The following SNRK variants were observed in gnomAD, a reference collection of about 807,000 sequenced individuals.
The protein encoded by SNRK is SNF-related serine/threonine-protein kinase.
A neutral mutation model predicts 48.2 loss-of-function variants in SNRK; 3 were observed. That is an observed-to-expected ratio of 0.06 (90% CI 0.03 to 0.16). The LOEUF is 0.16. Ranked by LOEUF, SNRK falls within the 10% of genes least tolerant of loss-of-function variation. The probability of loss-of-function intolerance (pLI) is 1.00; values close to 1 mark genes in which losing one functional copy is unlikely to be tolerated. For missense variants in SNRK, 627 were observed against 976.0 expected, an observed-to-expected ratio of 0.64 and a Z score of 4.76; for synonymous variants, 376 against 366.1, an observed-to-expected ratio of 1.03 and a Z score of -0.31.
intron 1 of SNRK, among the ~76,000 whole-genome samples, chr3:43,297,491 A>G (rs1199760993): frequency 6.6e-6 from 1 of 152,178 alleles, no homozygotes; most frequent in Non-Finnish European, 1.5e-5. Context: ...GTGTCTGGCC[A>G]TATATTATGA....
At chr3:43,304,223 TTTA>T (rs2090918217) in intron 3 of SNRK, among the ~76,000 whole-genome samples, 1 of 152,210 alleles carries the variant, frequency 6.6e-6, no homozygotes, top group Non-Finnish European at 1.5e-5. Flanking sequence ...ATTAGAATCA[TTTA>T]TTAACTGTGA....
intron 6 of SNRK, among the ~76,000 whole-genome samples, chr3:43,343,747 C>T (rs960049490): frequency 6.6e-6 from 1 of 152,120 alleles, no homozygotes; most frequent in African/African-American, 2.4e-5. Context: ...GAGAAGCAGC[C>T]TCAAGCCAGA....
chr3:43,341,645 C>T (rs1391873321), intron 5 of SNRK, among the ~76,000 whole-genome samples: 1 of 152,140 alleles, frequency 6.6e-6, no homozygotes, highest in Non-Finnish European at 1.5e-5. Context: ...AGAGAGTATG[C>T]TCTAGGAGGC....
At chr3:43,327,109 C>T (rs902466017) in intron 3 of SNRK, among the ~76,000 whole-genome samples, 1 of 152,154 alleles carries the variant, frequency 6.6e-6, no homozygotes, top group Non-Finnish European at 1.5e-5. Context: ...AACCACTGAT[C>T]TTGTTTTACA....
chr3:43,342,255 G>A lies in SNRK; in HGVS notation c.945-1089G>A, dbSNP rs527909019. ...TTGGTTTCCCGATAGCTGGGTGAGC[G>A]TCTTGCTGTCCTCTCAGCTAGCCTC... On this transcript the variant is annotated intron_variant, in intron 5 of 6. Transcript: ENST00000296088. Among the ~76,000 whole-genome samples the A allele has an allele frequency of 5.6e-4, 85 of 152,248 alleles. No individual in the cohort carries two copies. The Middle Eastern group carries it at 0.014, about 24-fold the overall frequency.
intron 3 of SNRK, among the ~76,000 whole-genome samples, chr3:43,314,009 A>G (rs996610721): frequency 1.3e-5 from 2 of 152,252 alleles, no homozygotes; most frequent in African/African-American, 4.8e-5. Flanking sequence ...TGACAGAAAC[A>G]CAGTATATTT....
intron 3 of SNRK, among the ~76,000 whole-genome samples, chr3:43,307,257 A>G (rs1038256654): frequency 3.9e-5 from 6 of 152,314 alleles, no homozygotes; most frequent in South Asian, 2.1e-4. Context: ...CCTTTTATCA[A>G]TACGAAAGTA....
intron 3 of SNRK, among the ~76,000 whole-genome samples, chr3:43,323,657 A>G (rs2091072245): frequency 6.6e-6 from 1 of 152,212 alleles, no homozygotes; most frequent in Non-Finnish European, 1.5e-5. Context: ...AAAAGCCTGT[A>G]CACACTTTTT....
Position 43,286,916 on chromosome 3 carries a change from G to A in SNRK, c.-169+241G>A, listed in dbSNP as rs866814480. 8.8e-3 allele frequency among the ~76,000 whole-genome samples: 1,285 copies of A among 145,788 alleles called. 13 individuals are homozygous for A. The highest frequency in any genetic ancestry group is 0.013 in the Non-Finnish European group (874 of 65,606). On this transcript the variant is annotated intron_variant, in intron 1 of 6. Coordinates refer to ENST00000296088, the MANE Select transcript of SNRK (RefSeq NM_017719.5). ...CGCGGCCTGGCGGCGGGGCGGCGGC[G>A]GGGCCCGGCGGGAGCCGTCACTGCG...
At chr3:43,330,890 T>A in intron 3 of SNRK, among the ~76,000 whole-genome samples, 1 of 152,238 alleles carries the variant, frequency 6.6e-6, no homozygotes, top group East Asian at 1.9e-4. Context: ...TTCATTAGTT[T>A]CCATCAGAGT....
chr3:43,304,669 A>C (rs1345701228), intron 3 of SNRK, among the ~76,000 whole-genome samples: 5 of 152,156 alleles, frequency 3.3e-5, no homozygotes, highest in Non-Finnish European at 5.9e-5. Context: ...CTTGGAAAAA[A>C]ATACATGCAC....
At chr3:43,339,543 C>T (rs539462710) in intron 4 of SNRK, among the ~76,000 whole-genome samples, 11 of 151,924 alleles carry the variant, frequency 7.2e-5, no homozygotes, top group East Asian at 2.0e-4. Context: ...ATGGGCCGGG[C>T]GCGGTGGCTC....
At chr3:43,321,951 T>C (rs2125632697) in intron 3 of SNRK, among the ~76,000 whole-genome samples, 1 of 152,386 alleles carries the variant, frequency 6.6e-6, no homozygotes, top group Admixed American at 6.5e-5. Flanking sequence ...CCTAGGTCCC[T>C]TCATTGCCAA....
At chr3:43,332,092 T>C (rs1356127724) in intron 3 of SNRK, 77 bp from the exon 4 acceptor site, 1 of 1,143,890 alleles carries the variant, frequency 8.7e-7, no homozygotes, top group Non-Finnish European at 1.2e-6. Context: ...CAAGATAAAA[T>C]AATATTGTTA....
chr3:43,330,013 T>G (rs907149818), intron 3 of SNRK, among the ~76,000 whole-genome samples: 1 of 152,216 alleles, frequency 6.6e-6, no homozygotes, highest in Admixed American at 6.5e-5. Flanking sequence ...ACAGTTATAG[T>G]ATGAGATAGT....
chr3:43,336,097 T>C (rs1475558691), intron 4 of SNRK, among the ~76,000 whole-genome samples: 2 of 151,982 alleles, frequency 1.3e-5, no homozygotes, highest in African/African-American at 4.8e-5. Context: ...TTTATATGTT[T>C]TATGTTTGTC....
At chr3:43,315,147 A>G (rs2091005295) in intron 3 of SNRK, 1 of 152,148 alleles carries the variant, frequency 6.6e-6, no homozygotes, top group South Asian at 2.1e-4. Flanking sequence ...GAGCTGGCCT[A>G]GTTTGGAAAT....
At position 43,347,314 on chromosome 3, in the gene SNRK, T is replaced by TC. The variant is rs1279157047; in HGVS notation, c.1080-19dup. The TC allele has an allele frequency of 2.0e-6, 3 of 1,524,448 alleles. No homozygotes were observed. The highest frequency in any genetic ancestry group is 2.6e-6 in the Non-Finnish European group (3 of 1,137,674). 94.4% of individuals were successfully genotyped at this position (1,524,448 alleles called of 1,614,324 possible). The stretch of plus-strand genomic sequence containing the variant: ...CTGCATAATGATTATATGGCTTTTT[T>TC]CCCCCCAATCTATCTGTTACATAGG... On this transcript the variant is annotated intron_variant, in intron 6 of 6. Coordinates refer to ENST00000296088, the MANE Select transcript of SNRK (RefSeq NM_017719.5). The surrounding 1 kb of genome is among the most constrained non-coding windows in gnomAD (Gnocchi z 5.4).
intron 3 of SNRK, among the ~76,000 whole-genome samples, chr3:43,309,007 A>G (rs1274151099): frequency 6.6e-6 from 1 of 152,214 alleles, no homozygotes; most frequent in Admixed American, 6.5e-5. Flanking sequence ...AGGGGTTCAC[A>G]GTTTGTGGAG....
Sources: gnomAD v4.1 joint callset for allele counts (sites outside exome capture counted in the v4.1 genomes callset) on GRCh38, gnomAD v4.1.1 for gene constraint, Gnocchi (gnomAD v3.1) non-coding constraint, MANE v1.5 for transcripts, NCBI Gene and HGNC (gene_info 2026-07-23, HGNC 2026-07-21) for gene names.